Variants in AKT2 observed in about 807,000 individuals in gnomAD.
AKT2 encodes the protein RAC-beta serine/threonine-protein kinase.
A neutral mutation model predicts 58.6 loss-of-function variants in AKT2; 16 were observed. The observed-to-expected ratio is 0.27, with a 90% CI of 0.18 to 0.41. AKT2 has a LOEUF of 0.41. AKT2 is among the 10% of genes least tolerant of loss of function. AKT2 has a pLI of 1.00. For synonymous variants in AKT2, 253 were observed against 254.0 expected (o/e 1.00, Z 0.04); for missense variants, 438 against 661.0 (o/e 0.66, Z 3.70).
At chr19:40,239,077 T>G in intron 7 of AKT2, 104 bp from the exon 8 acceptor site, 1 of 1,228,974 alleles carries the variant, frequency 8.1e-7, no homozygotes, top group Non-Finnish European at 1.1e-6. Context: ...ACACACACCC[T>G]GCCCTGGCTG....
chr19:40,243,049 G>A, intron 4 of AKT2: 1 of 313,604 alleles, frequency 3.2e-6, no homozygotes, highest in Admixed American at 4.1e-5. Context: ...GGCTGAGGCA[G>A]GAGAATTGCT....
rs758767505 is a variant in AKT2 at position 40,238,972 on chromosome 19, G to T, written c.641C>A (p.Ala214Glu). Reference protein sequence around the residue: ...LQNTRHPFLTALKYAFQTHDR... With the variant: ...LQNTRHPFLTELKYAFQTHDR... ...GTGGGTCTGGAAGGCATACTTCAGC[G>T]CCTGGGGGATGAAGGCAGCAGGGTG... The change falls in exon 8 of 14, where the codon GCG (alanine) becomes GAG (glutamate). Residue 214 changes from alanine (A) to glutamate (E), a missense_variant and splice_region_variant. Around this residue, in one of 3 missense-constraint regions of AKT2, gnomAD observed 244 missense variants for 347.1 expected, o/e 0.70. Coordinates refer to ENST00000392038, the MANE Select transcript of AKT2 (RefSeq NM_001626.6). This position sits in a 1 kb window ranked among gnomAD's most constrained non-coding sequence, Gnocchi z 5.1. The T allele has an allele frequency of 2.1e-5, 34 of 1,613,762 alleles. No homozygotes were observed. Among genetic ancestry groups the T allele is most frequent in the Middle Eastern group, 1.6e-4 (1 of 6,084 alleles).
chr19:40,233,960 G>A lies in AKT2; in HGVS notation c.1367-9C>T, dbSNP rs746610906. On this transcript the variant is annotated splice_polypyrimidine_tract_variant and intron_variant, in intron 13 of 13. Transcript: ENST00000392038. This position sits in a 1 kb window ranked among gnomAD's most constrained non-coding sequence, Gnocchi z 4.3. ...TAAGCCCAGGCTGTCATCTGTGGGC[G>A]GCAGAGGTGGATGGGGAGGACCAGT... 19 of 1,609,372 alleles carry A rather than the reference G, an allele frequency of 1.2e-5. No individual in the cohort carries two copies. The highest frequency in any genetic ancestry group is 9.3e-5 in the African/African-American group (7 of 74,894).
At chr19:40,275,492 C>T (rs769262050) in intron 1 of AKT2, 39 of 369,330 alleles carry the variant, frequency 1.1e-4, no homozygotes, top group Non-Finnish European at 5.5e-6. Context: ...TATCCCCGTT[C>T]CTCACATGGG....
chr19:40,257,000 G>A lies in AKT2; in HGVS notation c.101C>T (p.Ser34Phe). 6.2e-7 allele frequency: 1 copy of A among 1,614,216 alleles called. No individual in the cohort carries two copies. Among genetic ancestry groups the A allele is most frequent in the South Asian group, 1.1e-5 (1 of 91,092 alleles). Residue 34 changes from serine (S) to phenylalanine (F), a missense_variant, in exon 3 of 14, where the codon TCC becomes TTC. By Grantham distance (155) the Ser-to-Phe change is radical. Coordinates refer to ENST00000392038, the MANE Select transcript of AKT2 (RefSeq NM_001626.6). ...GGGCCTCTCCTTGTACCCAATGAAGGAGCCGTCGCTCTTCAGCAGGAAGTA... is the reference window on the plus strand; with the variant it reads ...GGGCCTCTCCTTGTACCCAATGAAGAAGCCGTCGCTCTTCAGCAGGAAGTA... The part of the protein sequence containing the change: ...PRYFLLKSDG[S>F]FIGYKERPEA...
chr19:40,240,005 G>T, intron 7 of AKT2, 40 bp downstream of exon 7: 1 of 1,598,440 alleles, frequency 6.3e-7, no homozygotes, highest in Non-Finnish European at 8.6e-7. Context: ...TCTGTCCAAA[G>T]GCTGGCCTCA....
At chr19:40,245,769 G>A (rs1044056337) in intron 4 of AKT2, among the ~76,000 whole-genome samples, 14 of 152,144 alleles carry the variant, frequency 9.2e-5, no homozygotes, top group Non-Finnish European at 1.9e-4. Context: ...TCCACCCCAC[G>A]GAGGCAGAGA....
At chr19:40,241,907 G>T in intron 6 of AKT2, 31 bp downstream of exon 6, 1 of 1,612,712 alleles carries the variant, frequency 6.2e-7, no homozygotes, top group South Asian at 1.1e-5. Context: ...CCCCCACAGA[G>T]GCTCGCGAGC....
intron 1 of AKT2, among the ~76,000 whole-genome samples, chr19:40,277,081 G>T (rs1477344670): frequency 1.3e-5 from 2 of 152,068 alleles, no homozygotes; most frequent in Non-Finnish European, 2.9e-5. Context: ...GTTGTCCTGG[G>T]GACCCAATGA....
intron 4 of AKT2, among the ~76,000 whole-genome samples, chr19:40,254,159 T>A (rs1975367662): frequency 7.1e-6 from 1 of 140,868 alleles, no homozygotes. Flanking sequence ...GTCTTTATCA[T>A]CTCTTCTGAT....
chr19:40,235,465 CCACTT>C lies in AKT2; in HGVS notation c.1176-120_1176-116del, dbSNP rs754430892. The C allele has an allele frequency of 2.0e-5, 19 of 955,800 alleles. No homozygotes were observed. In the East Asian group the frequency reaches 4.8e-4, roughly 24 times the overall value. 59.2% of individuals were successfully genotyped at this position (955,800 alleles called of 1,614,324 possible). On this transcript the variant is annotated intron_variant, in intron 11 of 13. Transcript: ENST00000392038. This position sits in a 1 kb window ranked among gnomAD's most constrained non-coding sequence, Gnocchi z 6.3. ...TTAATGATTCTGTCTTGACCACAAACCACTTCACAGAGGAGGAAACCGAGGCTCAG... is the reference window on the plus strand; with the variant it reads ...TTAATGATTCTGTCTTGACCACAAACCACAGAGGAGGAAACCGAGGCTCAG...
intron 1 of AKT2, among the ~76,000 whole-genome samples, chr19:40,267,052 G>A (rs1310431802): frequency 2.6e-5 from 4 of 151,846 alleles, no homozygotes; most frequent in African/African-American, 7.3e-5. Flanking sequence ...TCCTGCCCGC[G>A]GCCTGGCTCT....
Position 40,233,565 on chromosome 19 carries a change from T to G in AKT2, c.*307A>C. The G allele has an allele frequency of 1.5e-6, 1 of 675,030 alleles. No individual in the cohort carries two copies. Among genetic ancestry groups the G allele is most frequent in the Non-Finnish European group, 2.8e-6 (1 of 359,036 alleles). The allele number at this position is 675,030 out of a possible 1,614,324, so 41.8% of individuals were successfully genotyped here. A position where few individuals can be genotyped will look rare whatever the true frequency, so the allele number is the denominator to read the frequency against. On this transcript the variant is annotated 3_prime_UTR_variant, in exon 14 of 14. Transcript: ENST00000392038. This position sits in a 1 kb window ranked among gnomAD's most constrained non-coding sequence, Gnocchi z 4.3. ...AAACTCAGGCAGGCCCCAGGCGCCATGCTTCACCCCTCACTGGGGCTTGTG... is the reference window on the plus strand; with the variant it reads ...AAACTCAGGCAGGCCCCAGGCGCCAGGCTTCACCCCTCACTGGGGCTTGTG...
intron 4 of AKT2, among the ~76,000 whole-genome samples, chr19:40,254,371 T>C (rs1436129558): frequency 6.6e-6 from 1 of 151,900 alleles, no homozygotes; most frequent in Admixed American, 6.6e-5. Flanking sequence ...CTACTAAAAA[T>C]ACAAAAATTA....
intron 4 of AKT2, among the ~76,000 whole-genome samples, chr19:40,253,669 T>C (rs146435134): frequency 1.3e-5 from 2 of 152,272 alleles, no homozygotes; most frequent in Non-Finnish European, 2.9e-5. Flanking sequence ...AAACTTATTT[T>C]CCCTGTGCCT....
chr19:40,281,351 G>C (rs1181488371), intron 1 of AKT2, among the ~76,000 whole-genome samples: 1 of 152,184 alleles, frequency 6.6e-6, no homozygotes, highest in African/African-American at 2.4e-5. Context: ...AATTAGCTAG[G>C]CATGGTGGCA....
chr19:40,263,755 A>G (rs1408569655), intron 2 of AKT2, among the ~76,000 whole-genome samples: 1 of 152,196 alleles, frequency 6.6e-6, no homozygotes, highest in Non-Finnish European at 1.5e-5. Context: ...AGGCTGGTAC[A>G]GTGCAGGATG....
intron 1 of AKT2, among the ~76,000 whole-genome samples, chr19:40,276,024 A>G (rs1315758535): frequency 1.3e-5 from 2 of 151,772 alleles, no homozygotes; most frequent in Non-Finnish European, 2.9e-5. Flanking sequence ...AAAAAAAAAA[A>G]AAAGTCCATA....
In AKT2 at chr19:40,242,250, C is replaced by A; in HGVS notation, c.442-181G>T. 2.1e-6 allele frequency: 2 copies of A among 959,442 alleles called. No individual in the cohort carries two copies. The highest frequency in any genetic ancestry group is 1.4e-5 in the South Asian group (1 of 69,032). The allele number at this position is 959,442 out of a possible 1,614,324, so 59.4% of individuals were successfully genotyped here. ...GAAGCGGCCTTCAGACCAGGCTCTG[C>A]AGGCACAGGGCCTTGGGAGGGCTGG... On this transcript the variant is annotated intron_variant, in intron 5 of 13. Coordinates refer to ENST00000392038, the MANE Select transcript of AKT2 (RefSeq NM_001626.6). This position sits in a 1 kb window ranked among gnomAD's most constrained non-coding sequence, Gnocchi z 4.3.
Sources: allele counts gnomAD v4.1 joint callset (sites outside exome capture counted in the v4.1 genomes callset), GRCh38; gene constraint gnomAD v4.1.1; regional missense constraint gnomAD v4.1.1; non-coding constraint Gnocchi (gnomAD v3.1); transcripts MANE v1.5; gene names NCBI Gene and HGNC (gene_info 2026-07-23, HGNC 2026-07-21).